NBAS: variants seen among roughly 807,000 people sequenced by gnomAD.
NBAS encodes NBAS subunit of NRZ tethering complex, also known as NAG/BC035112 fusion.
Under a neutral mutation model 302.5 loss-of-function variants are expected in NBAS, and 219 were observed. The ratio of observed to expected loss-of-function variants is 0.72; its 90% CI spans 0.65 to 0.81. NBAS has a LOEUF of 0.81. Ranked by LOEUF, NBAS falls within the 30% of genes least tolerant of loss-of-function variation. NBAS has a pLI of 0.00. For missense variants in NBAS, 2,932 were observed against 2,841.6 expected, an observed-to-expected ratio of 1.03 and a Z score of -0.72; for synonymous variants, 1,118 against 1,021.6, an observed-to-expected ratio of 1.09 and a Z score of -1.80.
At chr2:15,468,720 G>A (rs1183420322) in intron 16 of NBAS, among the ~76,000 whole-genome samples, 187 bp from the exon 17 acceptor site, 1 of 152,212 alleles carries the variant, frequency 6.6e-6, no homozygotes, top group Non-Finnish European at 1.5e-5. Flanking sequence ...ACAACTGGAT[G>A]CGGGGAGTGT....
At chr2:15,072,762 T>A in the NBAS span, among the ~76,000 whole-genome samples, 2 of 152,196 alleles carry the variant, frequency 1.3e-5, no homozygotes, top group African/African-American at 4.8e-5. Context: ...CCATTTTATG[T>A]TTATCTTATG....
At chr2:15,558,055 C>T (rs571313642) in intron 2 of NBAS, among the ~76,000 whole-genome samples, 9 of 152,276 alleles carry the variant, frequency 5.9e-5, no homozygotes, top group Admixed American at 1.3e-4. Context: ...TGGCTTTGAC[C>T]TTCATTCCTT....
chr2:15,381,959 G>C (rs1043513441), intron 29 of NBAS, among the ~76,000 whole-genome samples: 6 of 152,254 alleles, frequency 3.9e-5, no homozygotes, highest in African/African-American at 1.4e-4. Context: ...GTTATGCTTT[G>C]TGGTATAAGA....
At chr2:14,862,585 T>G in the NBAS span, among the ~76,000 whole-genome samples, 3 of 152,206 alleles carry the variant, frequency 2.0e-5, no homozygotes, top group Admixed American at 2.0e-4. Context: ...TTTCAGATTC[T>G]TCATCTGTAA....
the NBAS span, among the ~76,000 whole-genome samples, chr2:14,947,422 C>A: frequency 6.6e-6 from 1 of 151,942 alleles, no homozygotes; most frequent in Non-Finnish European, 1.5e-5. Context: ...CTAAAAGAAA[C>A]AAATAAATTA....
intron 28 of NBAS, among the ~76,000 whole-genome samples, chr2:15,389,742 G>T (rs970152872): frequency 6.6e-6 from 1 of 152,210 alleles, no homozygotes; most frequent in African/African-American, 2.4e-5. Flanking sequence ...TGATCCCTGA[G>T]AGATAAAAAC....
At chr2:15,497,597 T>C (rs149539766) in intron 11 of NBAS, among the ~76,000 whole-genome samples, 102 of 152,304 alleles carry the variant, frequency 6.7e-4, no homozygotes, top group African/African-American at 2.4e-3. Context: ...TTGGAAATGT[T>C]TGATTTAAAA....
At chr2:14,917,991 G>A in the NBAS span, among the ~76,000 whole-genome samples, 95,841 of 151,830 alleles carry the variant, frequency 0.63, 32,346 homozygotes, top group African/African-American at 0.89. Context: ...AGGCCTCCCA[G>A]TGGGACCCCT....
At chr2:14,779,378 T>G in the NBAS span, among the ~76,000 whole-genome samples, 1 of 152,224 alleles carries the variant, frequency 6.6e-6, no homozygotes, top group East Asian at 1.9e-4. Flanking sequence ...ATACAATAGC[T>G]CACATCAGTC....
intron 35 of NBAS, among the ~76,000 whole-genome samples, chr2:15,348,945 G>T (rs188277072): frequency 1.3e-5 from 2 of 152,262 alleles, no homozygotes; most frequent in East Asian, 1.9e-4. Context: ...GCAATTAAAG[G>T]ACTCAAGGAA....
intron 48 of NBAS, among the ~76,000 whole-genome samples, chr2:15,212,685 T>C (rs1666469630): frequency 6.6e-6 from 1 of 152,128 alleles, no homozygotes; most frequent in African/African-American, 2.4e-5. Context: ...TGGGGGGAGT[T>C]TCCCCTATGC....
chr2:15,229,514 G>A (rs1003480438), intron 47 of NBAS, among the ~76,000 whole-genome samples: 1 of 151,964 alleles, frequency 6.6e-6, no homozygotes, highest in Non-Finnish European at 1.5e-5. Context: ...TGGCGCAGTG[G>A]CTCATGCCTG....
At chr2:15,065,297 C>G in the NBAS span, among the ~76,000 whole-genome samples, 2 of 152,020 alleles carry the variant, frequency 1.3e-5, no homozygotes, top group African/African-American at 4.8e-5. Flanking sequence ...TAACATTATA[C>G]TCACTGATGA....
intron 50 of NBAS, among the ~76,000 whole-genome samples, chr2:15,183,424 T>G (rs1349771907): frequency 6.6e-6 from 1 of 152,250 alleles, no homozygotes; most frequent in Non-Finnish European, 1.5e-5. Flanking sequence ...AGAAACATGA[T>G]AACGACCTAC....
At chr2:15,473,912 T>C (rs1044955024) in intron 15 of NBAS, among the ~76,000 whole-genome samples, 155 bp downstream of exon 15, 1 of 152,240 alleles carries the variant, frequency 6.6e-6, no homozygotes, top group Non-Finnish European at 1.5e-5. Flanking sequence ...AAGATTAGCA[T>C]TATTTTAAAA....
chr2:14,844,270 G>C, the NBAS span, among the ~76,000 whole-genome samples: 1 of 152,086 alleles, frequency 6.6e-6, no homozygotes, highest in Non-Finnish European at 1.5e-5. Context: ...CCAGGCCGTA[G>C]CTCCCAGACA....
At chr2:15,460,132 T>C (rs1471397170) in intron 21 of NBAS, among the ~76,000 whole-genome samples, 1 of 152,176 alleles carries the variant, frequency 6.6e-6, no homozygotes, top group Non-Finnish European at 1.5e-5. Flanking sequence ...ATCCCCTAAT[T>C]TGAATAACAT....
At chr2:14,947,465 T>C in the NBAS span, among the ~76,000 whole-genome samples, 59 of 152,190 alleles carry the variant, frequency 3.9e-4, no homozygotes, top group African/African-American at 1.4e-3. Flanking sequence ...GATTGAACCA[T>C]GAAGAAATTT....
chr2:15,345,882 C>G (rs1019274502), intron 35 of NBAS, among the ~76,000 whole-genome samples: 2 of 152,078 alleles, frequency 1.3e-5, no homozygotes, highest in Non-Finnish European at 2.9e-5. Context: ...CTTTGACAAA[C>G]CTGACAGAAA....
Sources: allele counts gnomAD v4.1 joint callset (sites outside exome capture counted in the v4.1 genomes callset), GRCh38; gene constraint gnomAD v4.1.1; transcripts MANE v1.5; gene names NCBI Gene and HGNC (gene_info 2026-07-23, HGNC 2026-07-21).